The following ZFAT variants were observed in gnomAD, a reference collection of about 807,000 sequenced individuals.
ZFAT encodes zinc finger protein ZFAT.
Under a neutral mutation model 117.7 loss-of-function variants are expected in ZFAT, and 64 were observed. That is an observed-to-expected ratio of 0.54 (90% CI 0.44 to 0.67). The LOEUF (loss-of-function observed/expected upper bound fraction) is 0.67. Among genes scored for constraint, ZFAT ranks in the 30% least tolerant of loss-of-function variants. The pLI, the probability that ZFAT is intolerant of heterozygous loss-of-function variation, is 0.00. For synonymous variants in ZFAT, 679 were observed against 615.0 expected (o/e 1.10, Z -1.54); for missense variants, 1,433 against 1,584.5 (o/e 0.90, Z 1.62).
At chr8:134,596,688 T>C (rs1826965083) in intron 7 of ZFAT, among the ~76,000 whole-genome samples, 4 of 152,178 alleles carry the variant, frequency 2.6e-5, no homozygotes, top group Admixed American at 2.0e-4. Context: ...AGTGTATCCA[T>C]GCAATGGAAT....
In ZFAT at chr8:134,532,846, G is replaced by A; in HGVS notation, c.3103C>T (p.Leu1035Phe). 6.2e-7 allele frequency: 1 copy of A among 1,610,078 alleles called. No homozygotes were observed. Among genetic ancestry groups the A allele is most frequent in the Non-Finnish European group, 8.5e-7 (1 of 1,178,406 alleles). Residue 1035 changes from leucine (L) to phenylalanine (F), a missense_variant, in exon 12 of 16, where the codon CTC (leucine) becomes TTC (phenylalanine). By Grantham distance (22) the Leu-to-Phe change is conservative. This residue lies in a region of ZFAT where 503 missense variants were observed against 543.4 expected (regional missense o/e 0.93). Coordinates refer to ENST00000377838, the MANE Select transcript of ZFAT (RefSeq NM_020863.4). ...GCCCCTCGCCTACCTTGCTGGATGA[G>A]CACCTCCGCTGCCAGCTCCCCGGTG... ...VGTGELAAEV[L>F]IQQGGLKCPV... is the part of the protein sequence containing the mutation.
the ZFAT span, among the ~76,000 whole-genome samples, chr8:134,739,501 A>G: frequency 6.6e-6 from 1 of 152,142 alleles, no homozygotes; most frequent in Non-Finnish European, 1.5e-5. Context: ...TTATTTTGTT[A>G]ACTTTTAAAA....
the ZFAT span, among the ~76,000 whole-genome samples, chr8:134,775,257 A>C: frequency 6.6e-6 from 1 of 152,192 alleles, no homozygotes; most frequent in South Asian, 2.1e-4. Flanking sequence ...TTGTCCCCTT[A>C]GGGCCTGATT....
chr8:134,673,986 C>T (rs775783679), intron 1 of ZFAT, among the ~76,000 whole-genome samples: 19 of 152,096 alleles, frequency 1.2e-4, no homozygotes, highest in Admixed American at 1.2e-3. Context: ...GCAAGATGGC[C>T]GAATAGGAAC....
At chr8:134,685,896 T>G (rs1046055709) in intron 1 of ZFAT, among the ~76,000 whole-genome samples, 8 of 152,166 alleles carry the variant, frequency 5.3e-5, no homozygotes, top group Admixed American at 2.0e-4. Flanking sequence ...ATTAACCCAG[T>G]AAGTGAGGGG....
intron 1 of ZFAT, among the ~76,000 whole-genome samples, chr8:134,671,962 G>A (rs199836578): frequency 2.7e-4 from 41 of 152,008 alleles, no homozygotes; most frequent in African/African-American, 3.4e-4. Flanking sequence ...CACCAATAAC[G>A]GACAAACAGA....
At chr8:134,710,133 A>T (rs555473184) in intron 1 of ZFAT, among the ~76,000 whole-genome samples, 1 of 152,330 alleles carries the variant, frequency 6.6e-6, no homozygotes, top group South Asian at 2.1e-4. Flanking sequence ...CCAGAAGTGG[A>T]GAAGTGGGCA....
At chr8:134,657,834 G>A (rs924025654) in intron 1 of ZFAT, 97 bp from the exon 2 acceptor site, 1 of 1,276,072 alleles carries the variant, frequency 7.8e-7, no homozygotes. Flanking sequence ...GCCCTTCTGA[G>A]CCATCACCAG....
the ZFAT span, among the ~76,000 whole-genome samples, chr8:134,755,853 A>T: frequency 7.9e-3 from 1,193 of 151,628 alleles, 7 homozygotes; most frequent in Non-Finnish European, 0.012. Context: ...GAAAAAAAAA[A>T]GATAAAAGAT....
chr8:134,717,552 C>T (rs549552901), upstream of ZFAT, among the ~76,000 whole-genome samples: 2 of 122,582 alleles, frequency 1.6e-5, no homozygotes, highest in Admixed American at 1.1e-4. Context: ...TGTGCCATCT[C>T]GGCTCACTGC....
chr8:134,730,818 G>A, the ZFAT span, among the ~76,000 whole-genome samples: 1 of 152,330 alleles, frequency 6.6e-6, no homozygotes, highest in South Asian at 2.1e-4. Flanking sequence ...TGTCTTTTGA[G>A]CAACTTTAAA....
At chr8:134,527,267 A>C (rs1361400945) in intron 12 of ZFAT, among the ~76,000 whole-genome samples, 1 of 152,170 alleles carries the variant, frequency 6.6e-6, no homozygotes, top group African/African-American at 2.4e-5. Flanking sequence ...TTTGATGTTA[A>C]CTTGGTGAGA....
Position 134,590,375 on chromosome 8 carries a change from A to G in ZFAT, c.2476-20T>C. 6.3e-7 allele frequency: 1 copy of G among 1,581,508 alleles called. No homozygotes were observed. Among genetic ancestry groups the G allele is most frequent in the Non-Finnish European group, 8.7e-7 (1 of 1,155,426 alleles). Reference sequence around the variant, plus strand: ...TTTGTCCTTAATAGAAAGAGAACATAATCAGTTGACTTTCTCATTTAAATC... The same window carrying G: ...TTTGTCCTTAATAGAAAGAGAACATGATCAGTTGACTTTCTCATTTAAATC... On this transcript the variant is annotated intron_variant, in intron 7 of 15. Transcript: ENST00000377838.
chr8:134,682,694 CTT>C (rs1195211957), intron 1 of ZFAT, among the ~76,000 whole-genome samples: 7 of 152,148 alleles, frequency 4.6e-5, no homozygotes, highest in African/African-American at 1.7e-4. Flanking sequence ...ATTAAAAAGT[CTT>C]TGAATCAATG....
chr8:134,556,389 A>C, intron 11 of ZFAT, among the ~76,000 whole-genome samples: 1 of 152,146 alleles, frequency 6.6e-6, no homozygotes, highest in East Asian at 1.9e-4. Context: ...GAAGGAAAGG[A>C]GAGAACAAAT....
the ZFAT span, among the ~76,000 whole-genome samples, chr8:134,812,348 T>C: frequency 2.0e-5 from 3 of 152,228 alleles, no homozygotes; most frequent in South Asian, 6.2e-4. Flanking sequence ...TCTTTATGTT[T>C]CACTTTTACA....
At chr8:134,686,798 C>A (rs1280974816) in intron 1 of ZFAT, among the ~76,000 whole-genome samples, 1 of 152,164 alleles carries the variant, frequency 6.6e-6, no homozygotes, top group East Asian at 1.9e-4. Context: ...CCCACCTTGT[C>A]AGAAGCCCAG....
At chr8:134,630,916 C>A (rs1378699967) in intron 3 of ZFAT, among the ~76,000 whole-genome samples, 1 of 152,168 alleles carries the variant, frequency 6.6e-6, no homozygotes, top group Non-Finnish European at 1.5e-5. Flanking sequence ...CTTGACAGAG[C>A]ACATATTAAA....
intron 15 of ZFAT, among the ~76,000 whole-genome samples, chr8:134,495,662 G>A (rs1818382063): frequency 6.6e-6 from 1 of 152,196 alleles, no homozygotes; most frequent in South Asian, 2.1e-4. Context: ...CAGTGTGGTG[G>A]CTCACGCCTG....
Sources: gnomAD v4.1 joint callset for allele counts (sites outside exome capture counted in the v4.1 genomes callset) on GRCh38, gnomAD v4.1.1 for gene constraint, gnomAD v4.1.1 regional missense constraint, MANE v1.5 for transcripts, NCBI Gene and HGNC (gene_info 2026-07-23, HGNC 2026-07-21) for gene names.